The following PDZRN3 variants were observed in gnomAD, a reference collection of about 807,000 sequenced individuals.
PDZRN3 encodes the protein E3 ubiquitin-protein ligase PDZRN3.
In PDZRN3, 38 loss-of-function variants were observed where a neutral mutation model predicts 85.7. The observed-to-expected ratio is 0.44, with a 90% CI of 0.34 to 0.58. The LOEUF is 0.58. PDZRN3 is among the 20% of genes least tolerant of loss of function. The probability of loss-of-function intolerance (pLI) is 0.01; values close to 1 mark genes in which losing one functional copy is unlikely to be tolerated. For missense variants in PDZRN3, 1,629 were observed against 1,506.4 expected, an observed-to-expected ratio of 1.08 and a Z score of -1.35; for synonymous variants, 759 against 638.0, an observed-to-expected ratio of 1.19 and a Z score of -2.86.
At chr3:73,462,808 A>T (rs1338177975) in intron 3 of PDZRN3, among the ~76,000 whole-genome samples, 1 of 152,206 alleles carries the variant, frequency 6.6e-6, no homozygotes, top group Non-Finnish European at 1.5e-5. Context: ...TGCACACATT[A>T]GCACATTTAA....
chr3:73,493,626 C>T (rs930621241), intron 3 of PDZRN3, among the ~76,000 whole-genome samples: 24 of 152,188 alleles, frequency 1.6e-4, no homozygotes, highest in Non-Finnish European at 4.4e-5. Context: ...GGTAATAGCT[C>T]ATTTCCACTA....
rs1559648416 is a variant in PDZRN3, at chr3:73,385,791, G to GGCAAGAGCAGCCAACACAT, written c.1519-25_1519-7dup. The GGCAAGAGCAGCCAACACAT allele has an allele frequency of 1.3e-6, 2 of 1,541,530 alleles. No individual in the cohort carries two copies. The highest frequency in any genetic ancestry group is 1.8e-6 in the Non-Finnish European group (2 of 1,114,010). ...TCCATCCAGCCCTCATCCAGCTGCA[G>GGCAAGAGCAGCCAACACAT]GCAAGAGCAGCCAACACATGCCTTA... On this transcript the variant is annotated splice_region_variant and splice_polypyrimidine_tract_variant and intron_variant, in intron 8 of 9. Transcript: ENST00000263666.
chr3:73,441,979 G>T (rs1702646164), intron 3 of PDZRN3, among the ~76,000 whole-genome samples: 1 of 152,194 alleles, frequency 6.6e-6, no homozygotes. Context: ...CTGGGGGATA[G>T]GAAGGGTCTC....
chr3:73,415,877 T>C (rs1009046509), intron 3 of PDZRN3, among the ~76,000 whole-genome samples: 5 of 152,052 alleles, frequency 3.3e-5, no homozygotes, highest in Non-Finnish European at 7.4e-5. Context: ...ATATCCATCA[T>C]GTTATAGTTA....
At chr3:73,564,211 T>C (rs1701897252) in intron 3 of PDZRN3, among the ~76,000 whole-genome samples, 1 of 152,238 alleles carries the variant, frequency 6.6e-6, no homozygotes, top group Non-Finnish European at 1.5e-5. Context: ...TTGAAAATTC[T>C]GTCTTCCCAT....
chr3:73,563,278 G>A (rs898290270), intron 3 of PDZRN3, among the ~76,000 whole-genome samples: 69 of 150,736 alleles, frequency 4.6e-4, no homozygotes, highest in African/African-American at 1.5e-3. Context: ...CTCGTGATCC[G>A]CCCGCCTCGG....
rs1489141312 is a variant in PDZRN3 at position 73,438,455 on chromosome 3, A to C, written c.919-34060T>G. 2.6e-5 allele frequency among the ~76,000 whole-genome samples: 4 copies of C among 152,232 alleles called. No individual in the cohort carries two copies. The South Asian group carries it at 8.3e-4, about 32-fold the overall frequency. On this transcript the variant is annotated intron_variant, in intron 3 of 9. Transcript: ENST00000263666. ...TTTTCTCTATTGTAATGATGAGCAC[A>C]GGTCTCACCATGCTATGAACTTCCA...
At chr3:73,603,240 C>G (rs1702541655) in intron 2 of PDZRN3, among the ~76,000 whole-genome samples, 2 of 152,220 alleles carry the variant, frequency 1.3e-5, no homozygotes. Context: ...TACCATCACT[C>G]TAGTCCTAAT....
intron 3 of PDZRN3, among the ~76,000 whole-genome samples, chr3:73,465,583 T>C (rs1015634072): frequency 2.0e-5 from 3 of 152,226 alleles, no homozygotes; most frequent in Non-Finnish European, 4.4e-5. Flanking sequence ...ATGATGAAGC[T>C]AGCCCGCGGA....
At chr3:73,491,863 A>G (rs1242707585) in intron 3 of PDZRN3, among the ~76,000 whole-genome samples, 1 of 151,962 alleles carries the variant, frequency 6.6e-6, no homozygotes, top group Non-Finnish European at 1.5e-5. Context: ...AGCCTTCCAA[A>G]GCATTGGGAT....
chr3:73,527,587 G>GAA (rs145313630), intron 3 of PDZRN3, among the ~76,000 whole-genome samples: 1 of 149,762 alleles, frequency 6.7e-6, no homozygotes, highest in African/African-American at 2.5e-5. Flanking sequence ...TCTAGGACAT[G>GAA]AAAAAAAAAA....
In PDZRN3 at chr3:73,512,853, T is replaced by C. The variant is rs1439673363; in HGVS notation, c.918+89501A>G. Among the ~76,000 whole-genome samples the C allele has an allele frequency of 2.0e-5, 3 of 152,354 alleles. No individual in the cohort carries two copies. The East Asian group carries it at 5.8e-4, about 29-fold the overall frequency. On this transcript the variant is annotated intron_variant, in intron 3 of 9. Transcript: ENST00000263666. ...AAAAGACACTAAAATGAAAAGTAGC[T>C]TAGTTTATAGGTTGAAAATTAATCT...
chr3:73,462,778 A>G (rs1441914463), intron 3 of PDZRN3, among the ~76,000 whole-genome samples: 8 of 152,180 alleles, frequency 5.3e-5, no homozygotes, highest in Non-Finnish European at 1.5e-5. Context: ...CACCAGATAC[A>G]GGGACCACCC....
rs778543229 is a variant in PDZRN3 at position 73,383,921 on chromosome 3, C to T, written c.2645G>A (p.Ser882Asn). The change falls in exon 10 of 10, where the codon AGC (serine) becomes AAC (asparagine). Residue 882 changes from serine (S) to asparagine (N), a missense_variant. Transcript: ENST00000263666. Reference sequence around the variant, plus strand: ...CTTCTGCTGGATCAGCTGCATGTAGCTCTGGTAGTGCTGGGCGTGCGCCGG... The same window carrying T: ...CTTCTGCTGGATCAGCTGCATGTAGTTCTGGTAGTGCTGGGCGTGCGCCGG... ...HIPAHAQHYQ[S>N]YMQLIQQKSA... 10 of 1,610,568 alleles carry T rather than the reference C, an allele frequency of 6.2e-6. No homozygotes were observed. The highest frequency in any genetic ancestry group is 1.3e-5 in the African/African-American group (1 of 74,914).
intron 8 of PDZRN3, 24 bp downstream of exon 8, chr3:73,387,944 T>G: frequency 8.9e-7 from 1 of 1,128,108 alleles, no homozygotes. Flanking sequence ...TAGACCCAGT[T>G]TCATCTGTAG....
At chr3:73,458,398 T>C (rs188761425) in intron 3 of PDZRN3, among the ~76,000 whole-genome samples, 10 of 151,972 alleles carry the variant, frequency 6.6e-5, no homozygotes, top group Non-Finnish European at 1.0e-4. Context: ...AGGGACTTTA[T>C]CTTACAGGGT....
At chr3:73,392,404 G>T (rs564632878) in intron 5 of PDZRN3, among the ~76,000 whole-genome samples, 15 of 152,214 alleles carry the variant, frequency 9.9e-5, no homozygotes, top group Non-Finnish European at 2.2e-4. Context: ...GATATATGGG[G>T]TATAATGTGG....
intron 3 of PDZRN3, among the ~76,000 whole-genome samples, chr3:73,565,672 T>C (rs1559741000): frequency 6.6e-6 from 1 of 152,028 alleles, no homozygotes; most frequent in Non-Finnish European, 1.5e-5. Flanking sequence ...GCGCGGTGAC[T>C]CACGCCTGTA....
chr3:73,615,628 G>T (rs563971091), intron 1 of PDZRN3, among the ~76,000 whole-genome samples: 13 of 152,252 alleles, frequency 8.5e-5, no homozygotes, highest in Admixed American at 7.8e-4. Flanking sequence ...CCAGTAAGTG[G>T]GTCCTCACCA....
Sources: allele counts gnomAD v4.1 joint callset (sites outside exome capture counted in the v4.1 genomes callset), GRCh38; gene constraint gnomAD v4.1.1; transcripts MANE v1.5; gene names NCBI Gene and HGNC (gene_info 2026-07-23, HGNC 2026-07-21).